Variants in DAB1 observed in about 807,000 individuals in gnomAD.
The protein encoded by DAB1 is DAB adaptor protein 1, also known as disabled homolog 1.
Under a neutral mutation model 64.6 loss-of-function variants are expected in DAB1, and 15 were observed. The observed-to-expected ratio is 0.23, with a 90% CI of 0.16 to 0.36. The LOEUF (loss-of-function observed/expected upper bound fraction) is 0.36, where lower values mean the gene tolerates loss of function less well. Among genes scored for constraint, DAB1 ranks in the 10% least tolerant of loss-of-function variants. The pLI, the probability that DAB1 is intolerant of heterozygous loss-of-function variation, is 1.00. For synonymous variants in DAB1, 235 were observed against 251.9 expected (o/e 0.93, Z 0.64); for missense variants, 596 against 706.7 (o/e 0.84, Z 1.78).
chr1:58,536,847 T>C (rs1646524892), intron 1 of DAB1: 4 of 680,854 alleles, frequency 5.9e-6, no homozygotes, highest in Non-Finnish European at 1.0e-5. Context: ...CCTGAATTTG[T>C]ATGATGTATT....
chr1:58,037,217 A>C (rs1647057879), intron 5 of DAB1, among the ~76,000 whole-genome samples: 1 of 152,132 alleles, frequency 6.6e-6, no homozygotes, highest in South Asian at 2.1e-4. Flanking sequence ...AGATTTCTAG[A>C]GGCACCTGGG....
intron 4 of DAB1, among the ~76,000 whole-genome samples, chr1:58,339,391 T>G (rs979240863): frequency 1.3e-5 from 2 of 152,316 alleles, no homozygotes; most frequent in South Asian, 2.1e-4. Context: ...AAGGAGCTTA[T>G]ATTTGGCAGG....
chr1:57,723,633 A>G (rs1016133181), intron 6 of DAB1, among the ~76,000 whole-genome samples: 3 of 152,200 alleles, frequency 2.0e-5, no homozygotes, highest in African/African-American at 7.2e-5. Context: ...TCAGTCATCA[A>G]AGCAGTTTTG....
At chr1:58,383,156 C>T (rs1019418652) in intron 3 of DAB1, among the ~76,000 whole-genome samples, 14 of 149,238 alleles carry the variant, frequency 9.4e-5, no homozygotes, top group South Asian at 8.4e-4. Flanking sequence ...AATAATCCCA[C>T]ATTAGATCTG....
rs59263518 is a variant in DAB1, at chr1:57,553,442, G to GAAAAAGAAAGAAAGAA, written n.625+96149_625+96150insTTCTTTCTTTCTTTTT. ...AGAAAGAAAGAAAGAAAGAAAGAAAGAGAAAGAAAGAAAGAAAGAGAAAGG... is the reference window on the plus strand; with the variant it reads ...AGAAAGAAAGAAAGAAAGAAAGAAAGAAAAAGAAAGAAAGAAAGAAAGAAAGAAAGAAAGAGAAAGG... On this transcript the variant is annotated intron_variant and non_coding_transcript_variant, in intron 7 of 20. Coordinates refer to the DAB1 transcript ENST00000485760. Among the ~76,000 whole-genome samples, 16 of 68,192 alleles carry GAAAAAGAAAGAAAGAA rather than the reference G, an allele frequency of 2.3e-4. 2 individuals carry two copies. Among genetic ancestry groups the GAAAAAGAAAGAAAGAA allele is most frequent in the African/African-American group, 9.4e-4 (15 of 15,994 alleles). 44.7% of individuals were successfully genotyped at this position (68,192 alleles called of 152,430 possible). A position where few individuals can be genotyped will look rare whatever the true frequency, so the allele number is the denominator to read the frequency against.
intron 6 of DAB1, among the ~76,000 whole-genome samples, chr1:57,799,049 C>T (rs1651002835): frequency 6.6e-6 from 1 of 152,184 alleles, no homozygotes; most frequent in African/African-American, 2.4e-5. Context: ...GAATTCAAGT[C>T]CTGGCTCTGT....
intron 4 of DAB1, among the ~76,000 whole-genome samples, chr1:58,165,505 C>T (rs1200090971): frequency 6.6e-6 from 1 of 152,234 alleles, no homozygotes; most frequent in Admixed American, 6.5e-5. Flanking sequence ...CACTTGATAA[C>T]ATCTGCAAAA....
intron 3 of DAB1, among the ~76,000 whole-genome samples, chr1:58,391,350 G>C (rs1044981492): frequency 6.6e-6 from 1 of 152,196 alleles, no homozygotes; most frequent in African/African-American, 2.4e-5. Flanking sequence ...GCACTGACCA[G>C]GCCTATTTGG....
At chr1:57,064,366 A>C (rs1025429355) in intron 8 of DAB1, among the ~76,000 whole-genome samples, 1 of 152,178 alleles carries the variant, frequency 6.6e-6, no homozygotes, top group African/African-American at 2.4e-5. Flanking sequence ...CAAACAAGAC[A>C]TCTATTATTA....
chr1:57,523,078 A>G (rs528853623), intron 7 of DAB1, among the ~76,000 whole-genome samples: 2 of 152,208 alleles, frequency 1.3e-5, no homozygotes, highest in East Asian at 3.9e-4. Context: ...GTGGGACTTC[A>G]CCTTGTGATC....
chr1:57,485,708 A>C (rs928648123), intron 7 of DAB1, among the ~76,000 whole-genome samples: 4 of 152,176 alleles, frequency 2.6e-5, no homozygotes, highest in Non-Finnish European at 5.9e-5. Context: ...TGCTAACTTC[A>C]AACCCAGTGA....
At chr1:57,828,402 T>A (rs1652448822) in intron 1 of DAB1, among the ~76,000 whole-genome samples, 2 of 152,250 alleles carry the variant, frequency 1.3e-5, no homozygotes, top group African/African-American at 4.8e-5. Flanking sequence ...GATACATTTT[T>A]ATCTTATCTT....
chr1:58,286,559 T>G (rs553341696), intron 4 of DAB1, among the ~76,000 whole-genome samples: 2 of 152,194 alleles, frequency 1.3e-5, no homozygotes, highest in African/African-American at 2.4e-5. Flanking sequence ...AACAAACATA[T>G]TTTAAAAAAG....
At chr1:57,831,242 G>C (rs748807942) in intron 1 of DAB1, among the ~76,000 whole-genome samples, 83 of 152,118 alleles carry the variant, frequency 5.5e-4, no homozygotes, top group Non-Finnish European at 9.4e-4. Context: ...GCTGGGTGTA[G>C]AGTACATTCT....
At chr1:57,755,008 C>CA (rs71246210) in intron 6 of DAB1, among the ~76,000 whole-genome samples, 26,707 of 152,054 alleles carry the variant, frequency 0.18, 3,054 homozygotes, top group Admixed American at 0.29. Context: ...AACAAACAAA[C>CA]AAAAAATCCA....
chr1:57,097,926 C>A (rs1030443165), intron 4 of DAB1, among the ~76,000 whole-genome samples: 1 of 151,998 alleles, frequency 6.6e-6, no homozygotes, highest in Non-Finnish European at 1.5e-5. Context: ...CACAGGTGTC[C>A]ACCGCCACGC....
intron 5 of DAB1, among the ~76,000 whole-genome samples, chr1:57,906,878 C>G (rs1343090230): frequency 6.6e-6 from 1 of 151,724 alleles, no homozygotes; most frequent in Non-Finnish European, 1.5e-5. Context: ...GATGTGTATG[C>G]ACATAGGCAA....
chr1:58,445,687 C>G (rs367825823), intron 3 of DAB1, among the ~76,000 whole-genome samples: 2 of 152,172 alleles, frequency 1.3e-5, no homozygotes, highest in African/African-American at 4.8e-5. Flanking sequence ...GAAATAGGGG[C>G]TTTCCTTCAA....
chr1:58,092,521 G>A (rs1261743067), intron 5 of DAB1, among the ~76,000 whole-genome samples: 2 of 152,038 alleles, frequency 1.3e-5, no homozygotes, highest in African/African-American at 4.8e-5. Context: ...CTCTTTTTAA[G>A]AATTAGAAAA....
Sources: allele counts gnomAD v4.1 joint callset (sites outside exome capture counted in the v4.1 genomes callset), GRCh38; gene constraint gnomAD v4.1.1; transcripts MANE v1.5; gene names NCBI Gene and HGNC (gene_info 2026-07-23, HGNC 2026-07-21).